The following ANO3 variants were observed in gnomAD, a reference collection of about 807,000 sequenced individuals.
ANO3 encodes anoctamin 3, also known as anoctamin-3.
ANO3 carries 99 observed loss-of-function variants against 144.8 expected under a neutral mutation model. The observed-to-expected ratio is 0.68, with a 90% CI of 0.58 to 0.81. ANO3 has a LOEUF of 0.81. Ranked by LOEUF, ANO3 falls within the 30% of genes least tolerant of loss-of-function variation. The pLI is 0.00. For synonymous variants in ANO3, 414 were observed against 392.6 expected (o/e 1.05, Z -0.64); for missense variants, 905 against 1,202.2 (o/e 0.75, Z 3.66).
intron 1 of ANO3, among the ~76,000 whole-genome samples, chr11:26,370,429 A>C (rs1856217135): frequency 6.6e-6 from 1 of 152,310 alleles, no homozygotes; most frequent in East Asian, 1.9e-4. Flanking sequence ...CTTCACCAGC[A>C]ACATGAGAAT....
Position 26,332,305 on chromosome 11 carries a change from CT to C in ANO3, c.33del (p.Phe11LeufsTer7). 6.2e-7 allele frequency: 1 copy of C among 1,614,026 alleles called. No homozygotes were observed. On this transcript the variant is annotated frameshift_variant, in exon 1 of 27. Coordinates refer to ENST00000256737, the MANE Select transcript of ANO3 (RefSeq NM_031418.4). LOFTEE classifies it high-confidence loss of function. Reference sequence around the variant, plus strand: ...TCCACCATTCAGGCTCCATTCAGTCCTTTAAACAGCAAAAAGGTCAGTTGGA... The same window carrying C: ...TCCACCATTCAGGCTCCATTCAGTCCTTAAACAGCAAAAAGGTCAGTTGGA... MVHHSGSIQSFKQQKGMNISK... is the reference protein window; with the variant it reads MVHHSGSIQSXKQQKGMNISK...
intron 1 of ANO3, among the ~76,000 whole-genome samples, chr11:26,283,357 T>C (rs79291708): frequency 0.071 from 8,111 of 113,754 alleles, 728 homozygotes; most frequent in African/African-American, 0.17. Context: ...TATATATATA[T>C]ATATATATAG....
chr11:26,451,225 C>G (rs184922016), intron 3 of ANO3, among the ~76,000 whole-genome samples: 2 of 152,186 alleles, frequency 1.3e-5, no homozygotes, highest in Non-Finnish European at 2.9e-5. Flanking sequence ...GAGTGCCAGA[C>G]AGTGGGCGCA....
At chr11:26,271,084 C>T (rs960260344) in intron 1 of ANO3, among the ~76,000 whole-genome samples, 1 of 152,124 alleles carries the variant, frequency 6.6e-6, no homozygotes, top group African/African-American at 2.4e-5. Context: ...AGCTAAGGGC[C>T]TAGATTTAAT....
At chr11:26,214,182 G>A (rs1851991470) in intron 1 of ANO3, among the ~76,000 whole-genome samples, 1 of 151,948 alleles carries the variant, frequency 6.6e-6, no homozygotes, top group Admixed American at 6.6e-5. Context: ...AGTGAAGCAA[G>A]CCAAGTTACA....
At chr11:26,314,593 C>A (rs997588733) in intron 1 of ANO3, among the ~76,000 whole-genome samples, 14 of 152,124 alleles carry the variant, frequency 9.2e-5, no homozygotes, top group African/African-American at 3.4e-4. Flanking sequence ...TCCCCTCCTT[C>A]TTTTTCTTTC....
intron 22 of ANO3, among the ~76,000 whole-genome samples, 153 bp downstream of exon 22, chr11:26,642,182 A>T (rs569964277): frequency 4.1e-4 from 63 of 152,274 alleles, no homozygotes; most frequent in African/African-American, 1.5e-3. Flanking sequence ...GGAGCTAGAG[A>T]TACTAACTCT....
rs531115842 is a variant in ANO3, at chr11:26,459,969, C to A, written c.314-3061C>A. On this transcript the variant is annotated intron_variant, in intron 3 of 26. Coordinates refer to ENST00000256737, the MANE Select transcript of ANO3 (RefSeq NM_031418.4). ...TAGATTATAATTTTAGAATGCATTT[C>A]CAGTTGTGCTGTTTTGCTCTTAAAA... 43 of 289,854 alleles carry A rather than the reference C, an allele frequency of 1.5e-4. No homozygotes were observed. In the Admixed American group the frequency reaches 2.1e-3, roughly 14 times the overall value. The allele number at this position is 289,854 out of a possible 1,614,324, so 18.0% of individuals were successfully genotyped here. A position where few individuals can be genotyped will look rare whatever the true frequency, so the allele number is the denominator to read the frequency against.
intron 1 of ANO3, among the ~76,000 whole-genome samples, chr11:26,371,884 T>C (rs1006065781): frequency 6.6e-6 from 1 of 152,180 alleles, no homozygotes; most frequent in African/African-American, 2.4e-5. Flanking sequence ...TGCAGACTCA[T>C]AGGTGGAAGG....
At chr11:26,533,121 G>C (rs910719719) in intron 8 of ANO3, among the ~76,000 whole-genome samples, 1 of 152,124 alleles carries the variant, frequency 6.6e-6, no homozygotes, top group African/African-American at 2.4e-5. Context: ...AGACACATGT[G>C]CATATTAACT....
intron 1 of ANO3, among the ~76,000 whole-genome samples, chr11:26,279,113 C>A (rs921714591): frequency 6.6e-6 from 1 of 152,002 alleles, no homozygotes; most frequent in Admixed American, 6.6e-5. Context: ...GTGACCACTC[C>A]AATAATCCAG....
chr11:26,643,949 A>T (rs1025861350), intron 23 of ANO3, among the ~76,000 whole-genome samples: 4 of 152,200 alleles, frequency 2.6e-5, no homozygotes, highest in Admixed American at 1.3e-4. Context: ...AGCTGGAAGC[A>T]AGGCCATCTC....
chr11:26,555,847 T>C (rs986767343), intron 13 of ANO3, among the ~76,000 whole-genome samples: 1 of 152,154 alleles, frequency 6.6e-6, no homozygotes, highest in African/African-American at 2.4e-5. Flanking sequence ...TTGCCAAAGG[T>C]ACAAGCCAAC....
intron 17 of ANO3, among the ~76,000 whole-genome samples, chr11:26,606,892 T>C (rs1851951796): frequency 6.6e-6 from 1 of 152,228 alleles, no homozygotes; most frequent in African/African-American, 2.4e-5. Flanking sequence ...GGTGTGTTTT[T>C]GCAGTGGCTA....
intron 12 of ANO3, 52 bp downstream of exon 12, chr11:26,547,602 C>A (rs761234487): frequency 2.0e-6 from 3 of 1,516,424 alleles, no homozygotes; most frequent in Non-Finnish European, 2.7e-6. Flanking sequence ...TCTGAATGGG[C>A]AAAAGTTTAA....
chr11:26,206,431 C>G (rs1010847043), intron 1 of ANO3, among the ~76,000 whole-genome samples: 2 of 152,142 alleles, frequency 1.3e-5, no homozygotes, highest in African/African-American at 4.8e-5. Context: ...TTCATAACTA[C>G]TATTAAAATA....
chr11:26,207,719 A>C (rs2133778211), intron 1 of ANO3, among the ~76,000 whole-genome samples: 1 of 151,386 alleles, frequency 6.6e-6, no homozygotes, highest in Non-Finnish European at 1.5e-5. Context: ...TTAAGACCTA[A>C]CTAGATTACA....
chr11:26,280,127 G>A lies in ANO3; in HGVS notation c.155-29518G>A, dbSNP rs11029461. ...ATTTCAAAACCAGGACAATGGCATC[G>A]GTACAATATGTGTGTATAGTTCATG... On this transcript the variant is annotated intron_variant, in intron 1 of 27. Transcript: ENST00000672621. Among the ~76,000 whole-genome samples the A allele has an allele frequency of 1.2e-3, 176 of 152,214 alleles. 3 individuals carry two copies. The East Asian group carries it at 0.016, about 14-fold the overall frequency.
chr11:26,647,780 A>T lies in ANO3; in HGVS notation c.2500A>T (p.Thr834Ser). 1 of 1,613,266 alleles carries T rather than the reference A, an allele frequency of 6.2e-7. No individual in the cohort carries two copies. The highest frequency in any genetic ancestry group is 1.1e-5 in the South Asian group (1 of 90,942). Reference sequence around the variant, plus strand: ...CACCAATGCATTTGTAATTGCTATTACTTCTGATTACATCCCACGTTTTGT... The same window carrying T: ...CACCAATGCATTTGTAATTGCTATTTCTTCTGATTACATCCCACGTTTTGT... ...VITNAFVIAI[T>S]SDYIPRFVYE... The change falls in exon 24 of 27, where the codon ACT becomes TCT. Residue 834 changes from threonine (T) to serine (S), a missense_variant. Physicochemically the swap from Thr to Ser is moderately conservative, Grantham distance 58. Coordinates refer to ENST00000256737, the MANE Select transcript of ANO3 (RefSeq NM_031418.4).
Sources: gnomAD v4.1 joint callset for allele counts (sites outside exome capture counted in the v4.1 genomes callset) on GRCh38, gnomAD v4.1.1 for gene constraint, MANE v1.5 for transcripts, NCBI Gene and HGNC (gene_info 2026-07-23, HGNC 2026-07-21) for gene names.